Variants in GTF2F2 observed in about 807,000 individuals in gnomAD.
The protein encoded by GTF2F2 is ATP-dependent helicase GTF2F2.
GTF2F2 carries 23 observed loss-of-function variants against 42.2 expected under a neutral mutation model. The observed-to-expected ratio is 0.55, with a 90% CI of 0.39 to 0.77. The LOEUF is 0.77. Ranked by LOEUF, GTF2F2 falls within the 30% of genes least tolerant of loss-of-function variation. The pLI is 0.00. For missense variants in GTF2F2, 261 were observed against 287.2 expected (o/e 0.91, Z 0.66); for synonymous variants, 105 against 100.8 (o/e 1.04, Z -0.25).
intron 4 of GTF2F2, among the ~76,000 whole-genome samples, chr13:45,169,249 A>G (rs551243908): frequency 1.4e-4 from 21 of 152,286 alleles, no homozygotes; most frequent in African/African-American, 4.3e-4. Flanking sequence ...ATGAATTTAA[A>G]AAGAGGCAGT....
intron 5 of GTF2F2, among the ~76,000 whole-genome samples, chr13:45,222,729 A>T (rs1874169064): frequency 6.6e-6 from 1 of 152,238 alleles, no homozygotes; most frequent in African/African-American, 2.4e-5. Flanking sequence ...GAAAAGATGA[A>T]TAAGACATTT....
intron 4 of GTF2F2, among the ~76,000 whole-genome samples, chr13:45,177,351 T>C (rs1036754338): frequency 2.0e-5 from 3 of 152,186 alleles, no homozygotes; most frequent in Non-Finnish European, 4.4e-5. Context: ...CATCTGCAGT[T>C]TCAGTTACCC....
At chr13:45,200,022 C>T (rs903836613) in intron 4 of GTF2F2, among the ~76,000 whole-genome samples, 3 of 151,896 alleles carry the variant, frequency 2.0e-5, no homozygotes, top group Non-Finnish European at 4.4e-5. Flanking sequence ...ACATTTTTTT[C>T]ATATTTACCA....
At chr13:45,130,310 G>A (rs764195234) in intron 1 of GTF2F2, among the ~76,000 whole-genome samples, 4 of 152,180 alleles carry the variant, frequency 2.6e-5, no homozygotes, top group Non-Finnish European at 5.9e-5. Flanking sequence ...AATGATGATA[G>A]GGCTGTTATA....
intron 5 of GTF2F2, among the ~76,000 whole-genome samples, chr13:45,240,442 AG>A (rs1875231284): frequency 6.6e-6 from 1 of 152,114 alleles, no homozygotes; most frequent in South Asian, 2.1e-4. Flanking sequence ...TGGTTTTGAA[AG>A]GGTTTTCTGT....
intron 6 of GTF2F2, among the ~76,000 whole-genome samples, chr13:45,253,869 A>G (rs998846029): frequency 6.6e-5 from 10 of 152,158 alleles, no homozygotes; most frequent in African/African-American, 2.4e-4. Context: ...AGGTCAGGAG[A>G]TCGAGACCAT....
At chr13:45,129,365 A>G (rs979051413) in intron 1 of GTF2F2, among the ~76,000 whole-genome samples, 4 of 152,038 alleles carry the variant, frequency 2.6e-5, no homozygotes, top group African/African-American at 9.7e-5. Context: ...ACACACCACC[A>G]TGCCTGGCTA....
intron 4 of GTF2F2, among the ~76,000 whole-genome samples, chr13:45,171,169 C>G (rs1286089591): frequency 6.6e-6 from 1 of 150,950 alleles, no homozygotes; most frequent in Non-Finnish European, 1.5e-5. Context: ...CCTCCGCCTC[C>G]CAGGTTCAAG....
chr13:45,150,531 A>T (rs933134439), intron 3 of GTF2F2, among the ~76,000 whole-genome samples: 1 of 151,938 alleles, frequency 6.6e-6, no homozygotes, highest in Non-Finnish European at 1.5e-5. Context: ...TTCTTAAAAT[A>T]TTCACTTATT....
chr13:45,139,265 A>G (rs999578607), intron 2 of GTF2F2, among the ~76,000 whole-genome samples: 6 of 152,186 alleles, frequency 3.9e-5, no homozygotes, highest in Admixed American at 3.3e-4. Context: ...GGGCAGGGGC[A>G]TTTCTTAGCT....
At chr13:45,243,045 A>G (rs571628362) in intron 5 of GTF2F2, among the ~76,000 whole-genome samples, 2 of 152,304 alleles carry the variant, frequency 1.3e-5, no homozygotes, top group East Asian at 3.9e-4. Context: ...TTCTCAGTAT[A>G]GTACATAACT....
At chr13:45,217,221 C>G (rs937250485) in intron 5 of GTF2F2, among the ~76,000 whole-genome samples, 18 of 150,864 alleles carry the variant, frequency 1.2e-4, no homozygotes, top group African/African-American at 3.9e-4. Flanking sequence ...TTGCTTGAAC[C>G]TGGGAGGTGG....
intron 2 of GTF2F2, 49 bp downstream of exon 2, chr13:45,136,855 T>G (rs1328373155): frequency 1.0e-6 from 1 of 977,904 alleles, no homozygotes; most frequent in East Asian, 2.4e-5. Context: ...TTTTTGAAAT[T>G]TTTATAAGTG....
At chr13:45,220,714 AT>A (rs1194225081) in intron 5 of GTF2F2, among the ~76,000 whole-genome samples, 1 of 152,074 alleles carries the variant, frequency 6.6e-6, no homozygotes, top group Non-Finnish European at 1.5e-5. Context: ...ATGGTAGTTT[AT>A]TTTGTGCCAG....
intron 2 of GTF2F2, among the ~76,000 whole-genome samples, chr13:45,142,170 C>T (rs1869958298): frequency 6.6e-6 from 1 of 152,002 alleles, no homozygotes. Flanking sequence ...AAAGTAAGCC[C>T]ACCATTTTGT....
At chr13:45,154,104 T>G (rs2138123396) in intron 4 of GTF2F2, among the ~76,000 whole-genome samples, 1 of 152,120 alleles carries the variant, frequency 6.6e-6, no homozygotes, top group South Asian at 2.1e-4. Context: ...TGATTGTCCC[T>G]GGAGTGGAAG....
chr13:45,249,174 T>C (rs1875769828), intron 5 of GTF2F2, among the ~76,000 whole-genome samples: 1 of 152,224 alleles, frequency 6.6e-6, no homozygotes, highest in South Asian at 2.1e-4. Context: ...AAATGAATTA[T>C]TTAGTGTTAA....
chr13:45,140,030 G>C (rs919346329), intron 2 of GTF2F2, among the ~76,000 whole-genome samples: 1 of 151,896 alleles, frequency 6.6e-6, no homozygotes, highest in African/African-American at 2.4e-5. Flanking sequence ...GTAAATAGTT[G>C]TTACTATTTG....
At chr13:45,123,645 A>AC (rs1322536789) in intron 1 of GTF2F2, among the ~76,000 whole-genome samples, 2 of 151,372 alleles carry the variant, frequency 1.3e-5, no homozygotes, top group African/African-American at 2.4e-5. Context: ...AAAAAAAAAA[A>AC]AACAACCAAA....
Sources: gnomAD v4.1 joint callset for allele counts (sites outside exome capture counted in the v4.1 genomes callset) on GRCh38, gnomAD v4.1.1 for gene constraint, MANE v1.5 for transcripts, NCBI Gene and HGNC (gene_info 2026-07-23, HGNC 2026-07-21) for gene names.